The following ZNF618 variants were observed in gnomAD, a reference collection of about 807,000 sequenced individuals.
The protein encoded by ZNF618 is zinc finger protein 618.
ZNF618 carries 34 observed loss-of-function variants against 103.0 expected under a neutral mutation model. That is an observed-to-expected ratio of 0.33 (90% CI 0.25 to 0.44). ZNF618 has a LOEUF of 0.44. ZNF618 is among the 20% of genes least tolerant of loss of function. The probability of loss-of-function intolerance (pLI) is 1.00; values close to 1 mark genes in which losing one functional copy is unlikely to be tolerated. For synonymous variants in ZNF618, 551 were observed against 542.2 expected, an observed-to-expected ratio of 1.02 and a Z score of -0.23; for missense variants, 1,059 against 1,295.4, an observed-to-expected ratio of 0.82 and a Z score of 2.80.
intron 1 of ZNF618, among the ~76,000 whole-genome samples, chr9:113,894,084 A>AT (rs528057445): frequency 6.6e-6 from 1 of 152,138 alleles, no homozygotes; most frequent in African/African-American, 2.4e-5. Context: ...TCCTTGCATT[A>AT]TTTTTTTATA....
intron 6 of ZNF618, among the ~76,000 whole-genome samples, chr9:114,004,982 G>A (rs1015332036): frequency 8.5e-5 from 13 of 152,162 alleles, no homozygotes; most frequent in Non-Finnish European, 1.8e-4. Flanking sequence ...TAAAAGATTA[G>A]CCCCTCATGC....
At chr9:113,941,535 T>A (rs1834542965) in intron 1 of ZNF618, among the ~76,000 whole-genome samples, 2 of 152,212 alleles carry the variant, frequency 1.3e-5, no homozygotes, top group African/African-American at 4.8e-5. Flanking sequence ...GGCCATTATT[T>A]TTTTCTCACA....
At chr9:113,967,956 A>AT (rs1448020878) in intron 1 of ZNF618, among the ~76,000 whole-genome samples, 1 of 152,018 alleles carries the variant, frequency 6.6e-6, no homozygotes, top group Admixed American at 6.5e-5. Context: ...ATTTTTATAC[A>AT]TTGCCGATTT....
At chr9:114,042,193 C>T (rs1845254128) in intron 13 of ZNF618, among the ~76,000 whole-genome samples, 1 of 152,198 alleles carries the variant, frequency 6.6e-6, no homozygotes, top group African/African-American at 2.4e-5. Context: ...AGTAAAGAAT[C>T]GACCATAATT....
At position 114,053,488 on chromosome 9, in the gene ZNF618, C is replaced by T. The variant is rs766015369; in HGVS notation, c.*3321C>T. 6.6e-6 allele frequency: 1 copy of T among 152,218 alleles called. No homozygotes were observed. The highest frequency in any genetic ancestry group is 1.5e-5 in the Non-Finnish European group (1 of 68,066). The allele number at this position is 152,218 out of a possible 1,614,324, so 9.4% of individuals were successfully genotyped here. ...ACCTTGAGCCATGTGGTCCCCAGGA[C>T]AGAAATGGCCTTTGTTTTGACATAC... On this transcript the variant is annotated 3_prime_UTR_variant, in exon 15 of 15. Coordinates refer to ENST00000374126, the MANE Select transcript of ZNF618 (RefSeq NM_001318042.2).
intron 3 of ZNF618, among the ~76,000 whole-genome samples, chr9:113,991,551 CTAATAT>C (rs1199596484): frequency 6.6e-6 from 1 of 152,192 alleles, no homozygotes; most frequent in Non-Finnish European, 1.5e-5. Flanking sequence ...CTCAGTACTA[CTAATAT>C]TAACAGTATA....
rs200726428 is a variant in ZNF618, at chr9:114,008,651, G to A, written c.754+97G>A. 5.5e-5 allele frequency: 78 copies of A among 1,424,232 alleles called. No individual in the cohort carries two copies. The East Asian group carries it at 1.9e-3, about 34-fold the overall frequency. The allele number at this position is 1,424,232 out of a possible 1,614,324, so 88.2% of individuals were successfully genotyped here. ...GCTAGGGCAGGGGTAGCAGTGGGTG[G>A]CATCACTTAACTGCAGCAATGGTGC... On this transcript the variant is annotated intron_variant, in intron 9 of 14. Coordinates refer to ENST00000374126, the MANE Select transcript of ZNF618 (RefSeq NM_001318042.2).
intron 1 of ZNF618, among the ~76,000 whole-genome samples, chr9:113,917,187 C>T (rs989499424): frequency 3.3e-5 from 5 of 150,178 alleles, no homozygotes; most frequent in African/African-American, 9.8e-5. Context: ...TTTCTGGGCT[C>T]GTCCCTCTGG....
At chr9:113,901,252 C>T (rs1279088313) in intron 1 of ZNF618, among the ~76,000 whole-genome samples, 1 of 152,238 alleles carries the variant, frequency 6.6e-6, no homozygotes, top group Non-Finnish European at 1.5e-5. Flanking sequence ...AGGGCAGAAT[C>T]TCTCCTTTTC....
At chr9:113,924,827 A>AT in intron 1 of ZNF618, among the ~76,000 whole-genome samples, 1 of 151,826 alleles carries the variant, frequency 6.6e-6, no homozygotes. Context: ...ATATTTTGGA[A>AT]TTTTCTGGCA....
intron 1 of ZNF618, among the ~76,000 whole-genome samples, chr9:113,882,616 T>C (rs1340473698): frequency 6.6e-6 from 1 of 152,222 alleles, no homozygotes; most frequent in Non-Finnish European, 1.5e-5. Flanking sequence ...TAAAACAGCC[T>C]GCCATCCATG....
Position 113,927,878 on chromosome 9 carries a change from G to A in ZNF618, c.34-41239G>A, listed in dbSNP as rs1431846340. On this transcript the variant is annotated intron_variant, in intron 1 of 14. Coordinates refer to ENST00000374126, the MANE Select transcript of ZNF618 (RefSeq NM_001318042.2). ...GCTGGTGAAGCTCATGGAAGTTTTC[G>A]TCTTTCAAGCGAGTTCATCAGCTTG... Among the ~76,000 whole-genome samples, 4 of 152,134 alleles carry A rather than the reference G, an allele frequency of 2.6e-5. No homozygotes were observed. In the East Asian group the frequency reaches 5.8e-4, roughly 22 times the overall value.
intron 1 of ZNF618, among the ~76,000 whole-genome samples, chr9:113,918,908 A>T (rs1213159482): frequency 6.6e-6 from 1 of 152,224 alleles, no homozygotes; most frequent in African/African-American, 2.4e-5. Flanking sequence ...TTGTGGAGTC[A>T]CAGTAAATAA....
Position 114,048,867 on chromosome 9 carries a change from C to T in ZNF618, c.1565C>T (p.Ala522Val), listed in dbSNP as rs764817476. Residue 522 changes from alanine to valine, a missense_variant, in exon 15 of 15, where the codon GCG becomes GTG. By Grantham distance (64) the Ala-to-Val change is moderately conservative. Transcript: ENST00000374126. ...ATCCTGGGCAACTTCAACACGCTGGCGCTGAAGCACCTGCCACGCATGTAC... is the reference window on the plus strand; with the variant it reads ...ATCCTGGGCAACTTCAACACGCTGGTGCTGAAGCACCTGCCACGCATGTAC... Reference protein sequence around the residue: ...TEILGNFNTLALKHLPRMYNQ... With the variant: ...TEILGNFNTLVLKHLPRMYNQ... 66 of 1,607,146 alleles carry T rather than the reference C, an allele frequency of 4.1e-5. No homozygotes were observed. Among genetic ancestry groups the T allele is most frequent in the Middle Eastern group, 3.3e-4 (2 of 6,048 alleles).
At chr9:113,983,255 G>C (rs1454634096) in intron 2 of ZNF618, among the ~76,000 whole-genome samples, 3 of 152,146 alleles carry the variant, frequency 2.0e-5, no homozygotes, top group Admixed American at 6.5e-5. Flanking sequence ...TTTTAAAGAA[G>C]TTAGAAGGAG....
intron 1 of ZNF618, 129 bp downstream of exon 1, chr9:113,876,542 G>T: frequency 1.3e-6 from 1 of 764,240 alleles, no homozygotes; most frequent in Non-Finnish European, 1.7e-6. Flanking sequence ...GGCTTTTTGT[G>T]GGCGCAATCG....
intron 1 of ZNF618, among the ~76,000 whole-genome samples, chr9:113,954,485 T>A (rs1220590603): frequency 1.3e-5 from 2 of 152,208 alleles, no homozygotes; most frequent in Admixed American, 1.3e-4. Context: ...CAGAGTTCTT[T>A]AAACTCCAAG....
intron 1 of ZNF618, among the ~76,000 whole-genome samples, chr9:113,929,368 G>C (rs1189738711): frequency 6.6e-6 from 1 of 152,192 alleles, no homozygotes; most frequent in Non-Finnish European, 1.5e-5. Context: ...TTGCTCTGTG[G>C]CCTCAATCCT....
intron 1 of ZNF618, among the ~76,000 whole-genome samples, chr9:113,951,749 G>A (rs113019156): frequency 0.043 from 6,590 of 151,776 alleles, 150 homozygotes; most frequent in African/African-American, 0.049. Flanking sequence ...TCTTGGAGTC[G>A]TGTCCCAAAC....
Sources: gnomAD v4.1 joint callset for allele counts (sites outside exome capture counted in the v4.1 genomes callset) on GRCh38, gnomAD v4.1.1 for gene constraint, MANE v1.5 for transcripts, NCBI Gene and HGNC (gene_info 2026-07-23, HGNC 2026-07-21) for gene names.